The following SGO2 variants were observed in gnomAD, a reference collection of about 807,000 sequenced individuals.
The protein encoded by SGO2 is shugoshin 2.
A neutral mutation model predicts 99.5 loss-of-function variants in SGO2; 68 were observed. That is an observed-to-expected ratio of 0.68 (90% CI 0.56 to 0.84). The LOEUF (loss-of-function observed/expected upper bound fraction) is 0.84. Ranked by LOEUF, SGO2 falls within the 40% of genes least tolerant of loss-of-function variation. The pLI is 0.00. For synonymous variants in SGO2, 457 were observed against 487.1 expected (o/e 0.94, Z 0.81); for missense variants, 1,350 against 1,436.7 (o/e 0.94, Z 0.97).
chr2:200,579,443 G>A (rs2033766724), intron 8 of SGO2, among the ~76,000 whole-genome samples: 1 of 152,176 alleles, frequency 6.6e-6, no homozygotes, highest in African/African-American at 2.4e-5. Flanking sequence ...CCTGATTTTA[G>A]TAGAAATGCT....
rs1052406391 is a variant in SGO2, at chr2:200,526,594, A to T, written c.-3+342A>T. Among the ~76,000 whole-genome samples the T allele has an allele frequency of 6.6e-6, 1 of 152,164 alleles. No homozygotes were observed. Among genetic ancestry groups the T allele is most frequent in the Non-Finnish European group, 1.5e-5 (1 of 68,024 alleles). ...AGTTTCTAGGGCATTGTGAGCGCTC[A>T]GTACGTGTCTGCGGAATGAATGTTA... On this transcript the variant is annotated intron_variant, in intron 1 of 8. Transcript: ENST00000357799. This position sits in a 1 kb window ranked among gnomAD's most constrained non-coding sequence, Gnocchi z 4.8.
chr2:200,552,945 G>A (rs897035757), intron 5 of SGO2, among the ~76,000 whole-genome samples: 3 of 152,028 alleles, frequency 2.0e-5, no homozygotes, highest in Non-Finnish European at 2.9e-5. Flanking sequence ...TGACACATCC[G>A]CACCCCCCCG....
At chr2:200,568,494 A>G (rs1441487844) in intron 5 of SGO2, among the ~76,000 whole-genome samples, 1 of 152,198 alleles carries the variant, frequency 6.6e-6, no homozygotes, top group East Asian at 1.9e-4. Context: ...TTTTATCCTT[A>G]GATAGCTGCT....
intron 8 of SGO2, among the ~76,000 whole-genome samples, chr2:200,579,680 A>G (rs1450367014): frequency 6.6e-6 from 1 of 152,156 alleles, no homozygotes; most frequent in Non-Finnish European, 1.5e-5. Flanking sequence ...CCAGTACCGA[A>G]CTAACCTTGC....
intron 7 of SGO2, among the ~76,000 whole-genome samples, chr2:200,575,089 A>C (rs944265377): frequency 6.6e-6 from 1 of 152,058 alleles, no homozygotes; most frequent in African/African-American, 2.4e-5. Context: ...TTCCATGAAA[A>C]GAGTTGAACT....
At chr2:200,546,859 G>A (rs1316601508) in intron 5 of SGO2, among the ~76,000 whole-genome samples, 1 of 151,994 alleles carries the variant, frequency 6.6e-6, no homozygotes, top group Non-Finnish European at 1.5e-5. Flanking sequence ...AATGAAGAGT[G>A]CCTACAAGAT....
At chr2:200,578,458 A>G (rs1463400534) in intron 8 of SGO2, among the ~76,000 whole-genome samples, 1 of 152,192 alleles carries the variant, frequency 6.6e-6, no homozygotes, top group Non-Finnish European at 1.5e-5. Context: ...AAGCTGCACT[A>G]AAGGTGTCGT....
chr2:200,558,535 C>T (rs1037601197), intron 5 of SGO2, among the ~76,000 whole-genome samples: 2 of 151,940 alleles, frequency 1.3e-5, no homozygotes, highest in East Asian at 3.9e-4. Flanking sequence ...TGATATGCCA[C>T]AAAATTGTAA....
At chr2:200,530,829 G>T (rs1338201240) in intron 1 of SGO2, among the ~76,000 whole-genome samples, 1 of 152,216 alleles carries the variant, frequency 6.6e-6, no homozygotes, top group African/African-American at 2.4e-5. Flanking sequence ...AGTCATCAGA[G>T]ATCTTGGAAA....
At position 200,572,676 on chromosome 2, in the gene SGO2, T is replaced by C. The variant is rs1229988504; in HGVS notation, c.2330T>C (p.Leu777Pro). The change falls in exon 7 of 9, where the codon CTG (leucine) becomes CCG (proline). Residue 777 changes from leucine to proline, a missense_variant. Transcript: ENST00000357799. ...CTTTCTACCAAAGATAGTGGAAACCTGTATGATTCTGAGATTCAAAATGTT... is the reference window on the plus strand; with the variant it reads ...CTTTCTACCAAAGATAGTGGAAACCCGTATGATTCTGAGATTCAAAATGTT... Reference protein sequence around the residue: ...PALSTKDSGNLYDSEIQNVLG... With the variant: ...PALSTKDSGNPYDSEIQNVLG... The C allele has an allele frequency of 6.2e-7, 1 of 1,612,088 alleles. No homozygotes were observed. The highest frequency in any genetic ancestry group is 1.3e-5 in the African/African-American group (1 of 74,878).
chr2:200,534,930 T>G (rs1022741341), intron 2 of SGO2, 66 bp from the exon 3 acceptor site: 39 of 1,090,266 alleles, frequency 3.6e-5, no homozygotes, highest in Admixed American at 7.5e-5. Context: ...TATGTTTTAC[T>G]AAGGAATATA....
At chr2:200,546,353 GAAAAAAAAAAAAAAA>G (rs772361302) in intron 5 of SGO2, among the ~76,000 whole-genome samples, 76 of 42,266 alleles carry the variant, frequency 1.8e-3, no homozygotes, top group African/African-American at 7.2e-3. Flanking sequence ...ACTCCATCTG[GAAAAAAAAAAAAAAA>G]AAAAAAAAAA....
intron 5 of SGO2, among the ~76,000 whole-genome samples, chr2:200,566,940 G>C (rs2033213625): frequency 6.6e-6 from 1 of 152,214 alleles, no homozygotes; most frequent in Non-Finnish European, 1.5e-5. Context: ...TAGGGTGGGA[G>C]TGACCCAATT....
chr2:200,552,710 C>T (rs1027074820), intron 5 of SGO2, among the ~76,000 whole-genome samples: 3 of 152,086 alleles, frequency 2.0e-5, no homozygotes, highest in African/African-American at 4.8e-5. Flanking sequence ...TGAGGTAGAC[C>T]GGAGGTCACT....
chr2:200,555,864 G>T (rs1486172785), intron 5 of SGO2, among the ~76,000 whole-genome samples: 2 of 152,170 alleles, frequency 1.3e-5, no homozygotes, highest in Admixed American at 1.3e-4. Context: ...CAATTCCTGG[G>T]GTTTCATGAG....
intron 2 of SGO2, among the ~76,000 whole-genome samples, chr2:200,533,774 C>T (rs1461319201): frequency 6.6e-6 from 1 of 152,018 alleles, no homozygotes; most frequent in Non-Finnish European, 1.5e-5. Context: ...TGATATAGCT[C>T]CTGCGAAGGA....
rs890007533 is a variant in SGO2 at position 200,526,426 on chromosome 2, C to T, written c.-3+174C>T. Reference sequence around the variant, plus strand: ...TCTCCGGCTACGAGGGGTTCGTTGACGGAGTCCTGTTTTGGCTTTGAGTCG... The same window carrying T: ...TCTCCGGCTACGAGGGGTTCGTTGATGGAGTCCTGTTTTGGCTTTGAGTCG... On this transcript the variant is annotated intron_variant, in intron 1 of 8. Transcript: ENST00000357799. The surrounding 1 kb of genome is among the most constrained non-coding windows in gnomAD (Gnocchi z 4.8). 2.6e-5 allele frequency among the ~76,000 whole-genome samples: 4 copies of T among 152,212 alleles called. No homozygotes were observed. Among genetic ancestry groups the T allele is most frequent in the African/African-American group, 9.6e-5 (4 of 41,454 alleles).
chr2:200,572,801 A>C lies in SGO2; in HGVS notation c.2455A>C (p.Ile819Leu), dbSNP rs537379395. ...RLNVCQKSEI[I>L]PETNQIYEND... ...AAATGTATGTCAAAAGTCAGAAATAATTCCTGAAACCAACCAAATATATGA... is the reference window on the plus strand; with the variant it reads ...AAATGTATGTCAAAAGTCAGAAATACTTCCTGAAACCAACCAAATATATGA... The change falls in exon 7 of 9, where the codon ATT becomes CTT. Residue 819 changes from isoleucine (I) to leucine (L), a missense_variant. By Grantham distance (5) the Ile-to-Leu change is conservative. Coordinates refer to ENST00000357799, the MANE Select transcript of SGO2 (RefSeq NM_152524.6). 7.4e-4 allele frequency: 1,192 copies of C among 1,612,622 alleles called. 18 individuals carry two copies. In the South Asian group the frequency reaches 0.012, roughly 17 times the overall value.
intron 5 of SGO2, 182 bp downstream of exon 5, chr2:200,542,846 G>A (rs540701572): frequency 2.7e-4 from 109 of 408,786 alleles, no homozygotes; most frequent in African/African-American, 1.8e-3. Flanking sequence ...GGAAACTTAC[G>A]GTCAATCCCC....
Sources: allele counts gnomAD v4.1 joint callset (sites outside exome capture counted in the v4.1 genomes callset), GRCh38; gene constraint gnomAD v4.1.1; non-coding constraint Gnocchi (gnomAD v3.1); transcripts MANE v1.5; gene names NCBI Gene and HGNC (gene_info 2026-07-23, HGNC 2026-07-21).